The following SEMA5A variants were observed in gnomAD, a reference collection of about 807,000 sequenced individuals.
SEMA5A encodes semaphorin 5A.
A neutral mutation model predicts 135.5 loss-of-function variants in SEMA5A; 55 were observed. The observed-to-expected ratio is 0.41, with a 90% CI of 0.33 to 0.51. The LOEUF (loss-of-function observed/expected upper bound fraction) is 0.51, where lower values mean the gene tolerates loss of function less well. Among genes scored for constraint, SEMA5A ranks in the 20% least tolerant of loss-of-function variants. The pLI is 0.37. For synonymous variants in SEMA5A, 580 were observed against 546.5 expected (o/e 1.06, Z -0.85); for missense variants, 1,290 against 1,419.9 (o/e 0.91, Z 1.47).
At chr5:9,321,234 A>G (rs1752615226) in intron 4 of SEMA5A, among the ~76,000 whole-genome samples, 1 of 152,174 alleles carries the variant, frequency 6.6e-6, no homozygotes, top group Admixed American at 6.5e-5. Flanking sequence ...CCAGCCATGT[A>G]TAACTGTGAA....
chr5:9,533,548 T>G (rs1333434537), intron 1 of SEMA5A, among the ~76,000 whole-genome samples: 1 of 152,206 alleles, frequency 6.6e-6, no homozygotes, highest in Non-Finnish European at 1.5e-5. Flanking sequence ...TTCAGAATAC[T>G]CCCTGTGCCT....
At chr5:9,226,495 A>G (rs1561045444) in intron 7 of SEMA5A, among the ~76,000 whole-genome samples, 1 of 152,130 alleles carries the variant, frequency 6.6e-6, no homozygotes, top group Non-Finnish European at 1.5e-5. Flanking sequence ...GTGATTTTAG[A>G]CCATTTTAAT....
intron 3 of SEMA5A, among the ~76,000 whole-genome samples, chr5:9,369,337 A>G (rs1755040511): frequency 6.6e-6 from 1 of 152,162 alleles, no homozygotes; most frequent in African/African-American, 2.4e-5. Context: ...CGAAGAGAAA[A>G]TGCTTTTCAT....
chr5:9,434,442 T>C (rs1057272288), intron 2 of SEMA5A, among the ~76,000 whole-genome samples: 25 of 152,128 alleles, frequency 1.6e-4, no homozygotes, highest in Non-Finnish European at 3.4e-4. Flanking sequence ...ATTTTTTTAA[T>C]TGTAAAAATA....
At chr5:9,398,235 G>C (rs946689953) in intron 2 of SEMA5A, among the ~76,000 whole-genome samples, 3 of 152,120 alleles carry the variant, frequency 2.0e-5, no homozygotes, top group African/African-American at 7.2e-5. Context: ...CAGAAGCCTA[G>C]AAAAAATATG....
At chr5:9,466,510 T>C (rs928931202) in intron 1 of SEMA5A, among the ~76,000 whole-genome samples, 2 of 151,984 alleles carry the variant, frequency 1.3e-5, no homozygotes, top group African/African-American at 2.4e-5. Flanking sequence ...ATTTATGAGA[T>C]AGAATTTTGT....
chr5:9,442,568 G>A (rs1185954886), intron 1 of SEMA5A, among the ~76,000 whole-genome samples: 1 of 152,114 alleles, frequency 6.6e-6, no homozygotes, highest in Admixed American at 6.6e-5. Context: ...TTGATCCTGA[G>A]GGTGCCCATG....
intron 3 of SEMA5A, among the ~76,000 whole-genome samples, chr5:9,372,435 A>G (rs973259688): frequency 6.6e-6 from 1 of 152,118 alleles, no homozygotes; most frequent in African/African-American, 2.4e-5. Context: ...GTGTGGAACC[A>G]TGGGACACAC....
At chr5:9,207,257 C>T (rs1746084795) in intron 8 of SEMA5A, among the ~76,000 whole-genome samples, 1 of 151,778 alleles carries the variant, frequency 6.6e-6, no homozygotes, top group South Asian at 2.1e-4. Flanking sequence ...GCGATCTCAG[C>T]TCACTGCAAC....
At chr5:9,516,310 C>T (rs1027970662) in intron 1 of SEMA5A, among the ~76,000 whole-genome samples, 7 of 152,086 alleles carry the variant, frequency 4.6e-5, no homozygotes, top group African/African-American at 1.7e-4. Flanking sequence ...CACCTGCTGT[C>T]CATGAAGAGC....
Position 9,226,968 on chromosome 5 carries a change from C to T in SEMA5A, c.334-1G>A. On this transcript the variant is annotated splice_acceptor_variant, in intron 6 of 22. Transcript: ENST00000382496. LOFTEE classifies it high-confidence loss of function. Reference sequence around the variant, plus strand: ...CCCGGATGTAGTTCTGACATTCCTCCTGAGGGAAAATAAATAAATTAATTA... The same window carrying T: ...CCCGGATGTAGTTCTGACATTCCTCTTGAGGGAAAATAAATAAATTAATTA... 1 of 1,483,332 alleles carries T rather than the reference C, an allele frequency of 6.7e-7. No homozygotes were observed. The highest frequency in any genetic ancestry group is 1.5e-5 in the South Asian group (1 of 66,266). 91.9% of individuals were successfully genotyped at this position (1,483,332 alleles called of 1,614,324 possible). A position where few individuals can be genotyped will look rare whatever the true frequency, so the allele number is the denominator to read the frequency against.
chr5:9,479,748 T>C (rs1280340878), intron 1 of SEMA5A, among the ~76,000 whole-genome samples: 1 of 152,190 alleles, frequency 6.6e-6, no homozygotes, highest in Non-Finnish European at 1.5e-5. Context: ...TCAAGAATCA[T>C]GTATACAACC....
intron 11 of SEMA5A, among the ~76,000 whole-genome samples, chr5:9,161,534 T>C (rs562699563): frequency 2.0e-5 from 3 of 152,372 alleles, no homozygotes; most frequent in Non-Finnish European, 2.9e-5. Context: ...GGATCTTTTA[T>C]ATGAAGTGAA....
chr5:9,206,684 A>T (rs959356845), intron 8 of SEMA5A, among the ~76,000 whole-genome samples: 8 of 151,956 alleles, frequency 5.3e-5, no homozygotes, highest in Admixed American at 1.3e-4. Flanking sequence ...GCACAAAGGA[A>T]TCCCAACTCT....
chr5:9,542,729 G>A (rs1055671223), intron 1 of SEMA5A, among the ~76,000 whole-genome samples: 2 of 152,134 alleles, frequency 1.3e-5, no homozygotes, highest in African/African-American at 4.8e-5. Flanking sequence ...TACGGCTGCT[G>A]TACTCAAATA....
At chr5:9,532,828 G>A (rs1385089519) in intron 1 of SEMA5A, among the ~76,000 whole-genome samples, 1 of 152,144 alleles carries the variant, frequency 6.6e-6, no homozygotes, top group Admixed American at 6.5e-5. Flanking sequence ...CCAAAGAGAA[G>A]AGTGAGGGGA....
At chr5:9,162,732 T>C (rs552525767) in intron 11 of SEMA5A, among the ~76,000 whole-genome samples, 6 of 151,956 alleles carry the variant, frequency 3.9e-5, no homozygotes, top group African/African-American at 1.4e-4. Context: ...TTCATCATTA[T>C]ATTTTCCAAG....
intron 1 of SEMA5A, among the ~76,000 whole-genome samples, chr5:9,476,375 T>G (rs1050641261): frequency 6.6e-6 from 1 of 152,192 alleles, no homozygotes; most frequent in African/African-American, 2.4e-5. Flanking sequence ...TTTTAATCTT[T>G]ACCAAGCTAA....
intron 17 of SEMA5A, 108 bp downstream of exon 17, chr5:9,066,313 C>A: frequency 9.9e-7 from 1 of 1,008,658 alleles, no homozygotes; most frequent in Non-Finnish European, 1.6e-6. Context: ...GGCTGCTAAG[C>A]CATAAATAAC....
Sources: allele counts gnomAD v4.1 joint callset (sites outside exome capture counted in the v4.1 genomes callset), GRCh38; gene constraint gnomAD v4.1.1; transcripts MANE v1.5; gene names NCBI Gene and HGNC (gene_info 2026-07-23, HGNC 2026-07-21).